TTLL11: variants seen among roughly 807,000 people sequenced by gnomAD.
TTLL11 encodes the protein tubulin tyrosine ligase like 11.
In TTLL11, 42 loss-of-function variants were observed where a neutral mutation model predicts 51.7. The ratio of observed to expected loss-of-function variants is 0.81; its 90% CI spans 0.64 to 1.05. The LOEUF (loss-of-function observed/expected upper bound fraction) is 1.05, where lower values mean the gene tolerates loss of function less well. TTLL11 is among the 50% of genes least tolerant of loss of function. The pLI is 0.00. For missense variants in TTLL11, 799 were observed against 940.4 expected (o/e 0.85, Z 1.97); for synonymous variants, 381 against 383.5 (o/e 0.99, Z 0.08).
chr9:121,949,490 G>T (rs1841784865), intron 6 of TTLL11, among the ~76,000 whole-genome samples: 1 of 152,184 alleles, frequency 6.6e-6, no homozygotes, highest in Non-Finnish European at 1.5e-5. Context: ...CTAACATTTT[G>T]TGTGATGTCT....
chr9:122,001,466 G>A lies in TTLL11; in HGVS notation c.694-11696C>T, dbSNP rs57240571. Among the ~76,000 whole-genome samples, 543 of 143,214 alleles carry A rather than the reference G, an allele frequency of 3.8e-3. 6 individuals are homozygous for A. Among genetic ancestry groups the A allele is most frequent in the African/African-American group, 0.012 (457 of 39,280 alleles). The allele number at this position is 143,214 out of a possible 152,430, so 94.0% of individuals were successfully genotyped here. ...GAGACTGAGCAAAGCCAGGTGACCT[G>A]CAGATCACACAGGAGGTGGTGAGCC... On this transcript the variant is annotated intron_variant, in intron 3 of 8. Coordinates refer to ENST00000321582, the MANE Select transcript of TTLL11 (RefSeq NM_001139442.2).
intron 6 of TTLL11, among the ~76,000 whole-genome samples, chr9:121,945,003 A>G (rs1231092617): frequency 6.6e-6 from 1 of 152,238 alleles, no homozygotes; most frequent in African/African-American, 2.4e-5. Flanking sequence ...TTAAAAAAAT[A>G]CCATTAGTGT....
chr9:121,927,271 A>G (rs7039048), intron 6 of TTLL11, among the ~76,000 whole-genome samples: 11,761 of 152,368 alleles, frequency 0.077, 664 homozygotes, highest in African/African-American at 0.16. Context: ...TCAGCACAGC[A>G]TCTGACACAT....
At chr9:121,830,229 A>G (rs1836961099) in intron 8 of TTLL11, among the ~76,000 whole-genome samples, 1 of 152,250 alleles carries the variant, frequency 6.6e-6, no homozygotes. Flanking sequence ...GAAGATTTGC[A>G]GACTTATGAA....
intron 6 of TTLL11, among the ~76,000 whole-genome samples, chr9:121,964,285 C>CTTTTTTTTTTGTT (rs143673197): frequency 6.6e-6 from 1 of 150,796 alleles, no homozygotes; most frequent in African/African-American, 2.5e-5. Context: ...ATTTCTTTTC[C>CTTTTTTTTTTGTT]TTTTTTTTGT....
chr9:121,895,942 TTGTG>T (rs1839497754), intron 6 of TTLL11, among the ~76,000 whole-genome samples: 1 of 13,928 alleles, frequency 7.2e-5, no homozygotes, highest in East Asian at 1.3e-3. Context: ...GTGGGTGTGT[TTGTG>T]TGGGTGTGGG....
At chr9:122,039,825 C>T (rs938635564) in intron 1 of TTLL11, among the ~76,000 whole-genome samples, 1 of 151,936 alleles carries the variant, frequency 6.6e-6, no homozygotes, top group Non-Finnish European at 1.5e-5. Flanking sequence ...CTCAACCGAG[C>T]CCAAAAGAAT....
chr9:122,082,354 C>G (rs1588265704), intron 1 of TTLL11, among the ~76,000 whole-genome samples: 1 of 151,918 alleles, frequency 6.6e-6, no homozygotes, highest in Non-Finnish European at 1.5e-5. Context: ...AAATACAAAA[C>G]AGCTAGACAT....
chr9:121,942,738 A>ATTT (rs34352222), intron 6 of TTLL11, among the ~76,000 whole-genome samples: 28 of 97,878 alleles, frequency 2.9e-4, no homozygotes, highest in Non-Finnish European at 3.8e-4. Context: ...AATCTGTCTT[A>ATTT]TTTTTTTTTT....
chr9:121,826,484 T>C (rs1241789078), intron 8 of TTLL11, among the ~76,000 whole-genome samples: 2 of 64,512 alleles, frequency 3.1e-5, no homozygotes, highest in African/African-American at 1.5e-4. Context: ...TATATATGTA[T>C]ATATATATAT....
intron 1 of TTLL11, among the ~76,000 whole-genome samples, chr9:122,061,622 A>G (rs1391669904): frequency 2.0e-5 from 3 of 152,044 alleles, no homozygotes; most frequent in Non-Finnish European, 4.4e-5. Context: ...AGTAAGACTA[A>G]ATGTTTTTTT....
At chr9:121,899,376 T>TAC (rs10545994) in intron 6 of TTLL11, among the ~76,000 whole-genome samples, 2 of 95,598 alleles carry the variant, frequency 2.1e-5, no homozygotes, top group Admixed American at 2.2e-4. Flanking sequence ...TATATATATA[T>TAC]ACATATATAT....
intron 3 of TTLL11, among the ~76,000 whole-genome samples, chr9:122,004,997 G>T (rs1175712476): frequency 6.6e-6 from 1 of 152,180 alleles, no homozygotes; most frequent in African/African-American, 2.4e-5. Flanking sequence ...TTCTCATAGG[G>T]GCTATAGGTA....
chr9:122,083,539 C>A (rs935739596), intron 1 of TTLL11, among the ~76,000 whole-genome samples: 1 of 152,180 alleles, frequency 6.6e-6, no homozygotes, highest in African/African-American at 2.4e-5. Flanking sequence ...GGGCCAGGCA[C>A]GGTGGCTCAC....
At chr9:121,912,583 C>T (rs1162500403) in intron 6 of TTLL11, among the ~76,000 whole-genome samples, 1 of 152,128 alleles carries the variant, frequency 6.6e-6, no homozygotes, top group Non-Finnish European at 1.5e-5. Context: ...ACCTTATATA[C>T]ACATCCACTG....
intron 6 of TTLL11, among the ~76,000 whole-genome samples, chr9:121,954,841 CTTTT>C (rs895348121): frequency 1.3e-5 from 2 of 152,178 alleles, no homozygotes; most frequent in African/African-American, 4.8e-5. Flanking sequence ...TGAAATCTTT[CTTTT>C]AATTTTTTTG....
At chr9:121,929,591 C>T (rs1186332174) in intron 6 of TTLL11, among the ~76,000 whole-genome samples, 2 of 141,040 alleles carry the variant, frequency 1.4e-5, no homozygotes, top group African/African-American at 5.6e-5. Flanking sequence ...AGGCCATTTG[C>T]AGGGGACACA....
intron 1 of TTLL11, among the ~76,000 whole-genome samples, chr9:122,078,604 T>A (rs571779842): frequency 2.0e-5 from 3 of 152,238 alleles, no homozygotes; most frequent in Non-Finnish European, 4.4e-5. Flanking sequence ...TTTTTTTAAA[T>A]ATTCAACTGA....
At chr9:121,837,776 C>T (rs1381259956) in intron 8 of TTLL11, among the ~76,000 whole-genome samples, 1 of 152,190 alleles carries the variant, frequency 6.6e-6, no homozygotes, top group Non-Finnish European at 1.5e-5. Context: ...ATGTCCACTC[C>T]CTGTCTCTCC....
Sources: allele counts gnomAD v4.1 joint callset (sites outside exome capture counted in the v4.1 genomes callset), GRCh38; gene constraint gnomAD v4.1.1; transcripts MANE v1.5; gene names NCBI Gene and HGNC (gene_info 2026-07-23, HGNC 2026-07-21).